The following LRSAM1 variants were observed in gnomAD, a reference collection of about 807,000 sequenced individuals.
The protein encoded by LRSAM1 is leucine rich repeat and sterile alpha motif containing 1.
Under a neutral mutation model 118.1 loss-of-function variants are expected in LRSAM1, and 96 were observed. The observed-to-expected ratio is 0.81, with a 90% CI of 0.69 to 0.96. The LOEUF is 0.96. Ranked by LOEUF, LRSAM1 falls within the 40% of genes least tolerant of loss-of-function variation. LRSAM1 has a pLI of 0.00. For missense variants in LRSAM1, 804 were observed against 915.5 expected, an observed-to-expected ratio of 0.88 and a Z score of 1.57; for synonymous variants, 322 against 364.2, an observed-to-expected ratio of 0.88 and a Z score of 1.32.
chr9:127,496,018 C>T lies in LRSAM1; in HGVS notation c.1753C>T (p.His585Tyr), dbSNP rs1183629673. 1 of 1,612,760 alleles carries T rather than the reference C, an allele frequency of 6.2e-7. No homozygotes were observed. Among genetic ancestry groups the T allele is most frequent in the Admixed American group, 1.7e-5 (1 of 60,008 alleles). ...CCTCCTGGAGGAGCTGTCGGCTGAG[C>T]ACTACCTGCCCATCTTTGCGCACCA... ...VALLEELSAE[H>Y]YLPIFAHHRL... Residue 585 changes from histidine (H) to tyrosine (Y), a missense_variant, in exon 23 of 26, where the codon CAC becomes TAC. Physicochemically the swap from His to Tyr is moderately conservative, Grantham distance 83. Transcript: ENST00000300417.
At chr9:127,461,815 C>G (rs1834758167) in intron 8 of LRSAM1, among the ~76,000 whole-genome samples, 1 of 152,282 alleles carries the variant, frequency 6.6e-6, no homozygotes, top group Non-Finnish European at 1.5e-5. Flanking sequence ...AGCTCTCTCC[C>G]TTCTCCTGGC....
chr9:127,456,238 T>TA (rs1834513880), intron 5 of LRSAM1, among the ~76,000 whole-genome samples: 1 of 150,770 alleles, frequency 6.6e-6, no homozygotes, highest in African/African-American at 2.4e-5. Flanking sequence ...TTGTTTGTTT[T>TA]TTTTTTTTTT....
chr9:127,474,310 C>G (rs2250184), intron 11 of LRSAM1, among the ~76,000 whole-genome samples: 64,726 of 149,924 alleles, frequency 0.43, 14,802 homozygotes, highest in Non-Finnish European at 0.5. Context: ...CTCCATCACC[C>G]AGGCTGGAGT....
chr9:127,489,971 G>C (rs1547841), intron 19 of LRSAM1, among the ~76,000 whole-genome samples: 123,024 of 152,252 alleles, frequency 0.81, 50,176 homozygotes, highest in African/African-American at 0.86. Context: ...TGTGAGCCAC[G>C]GTGGTCCTGA....
intron 9 of LRSAM1, among the ~76,000 whole-genome samples, chr9:127,466,506 T>TATA (rs1331732184): frequency 6.3e-4 from 22 of 35,082 alleles, no homozygotes; most frequent in South Asian, 2.9e-3. Flanking sequence ...ATATATATAT[T>TATA]TTTTTTTTTT....
At position 127,459,217 on chromosome 9, in the gene LRSAM1, GT is replaced by G. The variant is rs373307015; in HGVS notation, c.321+163del. 34,021 of 561,438 alleles carry G rather than the reference GT, an allele frequency of 0.061. 7 individuals are homozygous for G. The highest frequency in any genetic ancestry group is 0.12 in the East Asian group (3,752 of 31,136). The allele number at this position is 561,438 out of a possible 1,614,324, so 34.8% of individuals were successfully genotyped here. A position where few individuals can be genotyped will look rare whatever the true frequency, so the allele number is the denominator to read the frequency against. ...TCCACCCTCCCCTTGGCCCTTTGGG[GT>G]TTTTTTTTTTTTTTTTGAGGCAGTG... On this transcript the variant is annotated intron_variant, in intron 7 of 25. Transcript: ENST00000300417.
chr9:127,455,601 G>A lies in LRSAM1; in HGVS notation c.155G>A (p.Cys52Tyr), dbSNP rs1326999520. The A allele has an allele frequency of 1.9e-6, 3 of 1,613,708 alleles. No homozygotes were observed. In the African/African-American group the frequency reaches 4.0e-5, roughly 22 times the overall value. The change falls in exon 5 of 26, where the codon TGC (cysteine) becomes TAC (tyrosine). Residue 52 changes from cysteine to tyrosine, a missense_variant. Transcript: ENST00000300417. ...SEIPFGAFAT[C>Y]KVLQKKVLIV... is the part of the protein sequence containing the mutation. ...ATTCCATTTGGAGCTTTTGCAACAT[G>A]CAAAGTTCTGCAGAAGAAGGTAAGA...
Position 127,482,958 on chromosome 9 carries a change from T to A in LRSAM1, c.1097T>A (p.Met366Lys). 6.4e-7 allele frequency: 1 copy of A among 1,558,922 alleles called. No homozygotes were observed. The highest frequency in any genetic ancestry group is 8.7e-7 in the Non-Finnish European group (1 of 1,150,990). Reference sequence around the variant, plus strand: ...GATGGATTTTTTTCTAGAATAAGAATGGAACAGTTGATGTCCATAACCCAG... The same window carrying A: ...GATGGATTTTTTTCTAGAATAAGAAAGGAACAGTTGATGTCCATAACCCAG... The part of the protein sequence containing the change: ...LKSLENERIR[M>K]EQLMSITQEE... The change falls in exon 16 of 26, where the codon ATG (methionine) becomes AAG (lysine). Residue 366 changes from methionine (M) to lysine (K), a missense_variant. Coordinates refer to ENST00000300417, the MANE Select transcript of LRSAM1 (RefSeq NM_001005373.4).
In LRSAM1 at chr9:127,502,833, A is replaced by G; in HGVS notation, c.2106A>G (p.Pro702=). 1 of 1,612,118 alleles carries G rather than the reference A, an allele frequency of 6.2e-7. No homozygotes were observed. Among genetic ancestry groups the G allele is most frequent in the Non-Finnish European group, 8.5e-7 (1 of 1,179,692 alleles). The change falls in exon 26 of 26, where the codon CCA becomes CCG. Residue 702 remains proline (P), a synonymous_variant. Transcript: ENST00000300417. ...HVCCCQQCCQ[P]LRTCPLCRQD... ...GCTGCTGCCAGCAGTGCTGCCAGCCACTGCGCACCTGCCCGCTGTGCCGCC... is the reference window on the plus strand; with the variant it reads ...GCTGCTGCCAGCAGTGCTGCCAGCCGCTGCGCACCTGCCCGCTGTGCCGCC...
At chr9:127,472,740 G>C (rs941627784) in intron 10 of LRSAM1, among the ~76,000 whole-genome samples, 67 of 152,160 alleles carry the variant, frequency 4.4e-4, no homozygotes, top group Non-Finnish European at 6.5e-4. Context: ...TGTCTCTCAA[G>C]AAAAGTCTTG....
At chr9:127,481,989 A>G (rs534175399) in intron 15 of LRSAM1, among the ~76,000 whole-genome samples, 2 of 152,250 alleles carry the variant, frequency 1.3e-5, no homozygotes, top group East Asian at 3.9e-4. Context: ...TTCTGGAAAG[A>G]AAAATTATTT....
At chr9:127,472,433 G>A (rs1463644226) in intron 10 of LRSAM1, among the ~76,000 whole-genome samples, 1 of 152,016 alleles carries the variant, frequency 6.6e-6, no homozygotes, top group Non-Finnish European at 1.5e-5. Flanking sequence ...CCTGAGGTCA[G>A]GAGTTCGAGA....
chr9:127,488,323 G>A (rs1835807008), intron 18 of LRSAM1, among the ~76,000 whole-genome samples: 2 of 152,118 alleles, frequency 1.3e-5, no homozygotes, highest in South Asian at 2.1e-4. Flanking sequence ...GTGCAGTGGT[G>A]CGATCTCGGC....
intron 2 of LRSAM1, among the ~76,000 whole-genome samples, chr9:127,453,323 C>T (rs1347939607): frequency 6.6e-6 from 1 of 152,294 alleles, no homozygotes; most frequent in Non-Finnish European, 1.5e-5. Flanking sequence ...CTCAAGTGAC[C>T]CACCTGTCTT....
intron 10 of LRSAM1, among the ~76,000 whole-genome samples, chr9:127,472,723 C>A (rs2132044824): frequency 6.6e-6 from 1 of 152,230 alleles, no homozygotes; most frequent in Non-Finnish European, 1.5e-5. Flanking sequence ...CTATGCCTTG[C>A]TTTTTTTGTC....
intron 16 of LRSAM1, among the ~76,000 whole-genome samples, chr9:127,485,475 G>A (rs1396161455): frequency 6.6e-6 from 1 of 152,148 alleles, no homozygotes; most frequent in Non-Finnish European, 1.5e-5. Flanking sequence ...AGAATGGCGG[G>A]AACCTGGGAG....
intron 2 of LRSAM1, chr9:127,453,632 C>G (rs1248056916): frequency 6.6e-6 from 1 of 152,196 alleles, no homozygotes; most frequent in Non-Finnish European, 1.5e-5. Flanking sequence ...TGGAAAGCAC[C>G]TGAGGAAACG....
chr9:127,476,765 C>T (rs1049169026), intron 11 of LRSAM1, among the ~76,000 whole-genome samples: 2 of 152,042 alleles, frequency 1.3e-5, no homozygotes, highest in Non-Finnish European at 2.9e-5. Flanking sequence ...ACCTCTGCCT[C>T]TCAGGTTCAA....
At position 127,451,524 on chromosome 9, in the gene LRSAM1, C is replaced by T. The variant is rs553510399; in HGVS notation, c.-334C>T. 22 of 618,074 alleles carry T rather than the reference C, an allele frequency of 3.6e-5. No homozygotes were observed. The African/African-American group carries it at 4.1e-4, about 11-fold the overall frequency. The allele number at this position is 618,074 out of a possible 1,614,324, so 38.3% of individuals were successfully genotyped here. A position where few individuals can be genotyped will look rare whatever the true frequency, so the allele number is the denominator to read the frequency against. On this transcript the variant is annotated 5_prime_UTR_variant, in exon 1 of 26. Transcript: ENST00000300417. Reference sequence around the variant, plus strand: ...TCGCCATGTTTGTTGTGGGCAGGCGCCTGAGGCTGACGGCTGGCAAGCAGG... The same window carrying T: ...TCGCCATGTTTGTTGTGGGCAGGCGTCTGAGGCTGACGGCTGGCAAGCAGG...
Sources: gnomAD v4.1 joint callset for allele counts (sites outside exome capture counted in the v4.1 genomes callset) on GRCh38, gnomAD v4.1.1 for gene constraint, MANE v1.5 for transcripts, NCBI Gene and HGNC (gene_info 2026-07-23, HGNC 2026-07-21) for gene names.